The following EPB41L1 variants were observed in gnomAD, a reference collection of about 807,000 sequenced individuals.
EPB41L1 encodes the protein erythrocyte membrane protein band 4.1 like 1.
Under a neutral mutation model 97.8 loss-of-function variants are expected in EPB41L1, and 29 were observed. The ratio of observed to expected loss-of-function variants is 0.30; its 90% CI spans 0.22 to 0.40. The LOEUF (loss-of-function observed/expected upper bound fraction) is 0.40, where lower values mean the gene tolerates loss of function less well. Ranked by LOEUF, EPB41L1 falls within the 10% of genes least tolerant of loss-of-function variation. EPB41L1 has a pLI of 1.00. For synonymous variants in EPB41L1, 383 were observed against 459.2 expected (o/e 0.83, Z 2.12); for missense variants, 812 against 1,162.3 (o/e 0.70, Z 4.38).
At chr20:36,219,973 G>A (rs2063681961) in intron 19 of EPB41L1, 129 bp downstream of exon 19, 7 of 857,438 alleles carry the variant, frequency 8.2e-6, no homozygotes, top group African/African-American at 1.7e-5. Flanking sequence ...CCAGCTTCTG[G>A]AATACTGTGC....
chr20:36,187,232 C>A (rs371498720), intron 7 of EPB41L1, among the ~76,000 whole-genome samples: 1 of 152,190 alleles, frequency 6.6e-6, no homozygotes. Flanking sequence ...GAATGTGCAC[C>A]TGTTCCTTAG....
intron 1 of EPB41L1, among the ~76,000 whole-genome samples, chr20:36,171,847 C>T (rs2061003413): frequency 6.6e-6 from 1 of 152,162 alleles, no homozygotes; most frequent in Non-Finnish European, 1.5e-5. Context: ...CGTGCCATGC[C>T]AGTCTAGCCT....
At position 36,155,914 on chromosome 20, in the gene EPB41L1, C is replaced by G. The variant is rs149785481; in HGVS notation, c.-15+1018C>G. On this transcript the variant is annotated intron_variant, in intron 1 of 21. Transcript: ENST00000338074. ...TTGGCTTCATTCCCACCCCATCCCC[C>G]CACCCTCAGCATTAGGAGCCTTCCA... 8.5e-3 allele frequency among the ~76,000 whole-genome samples: 1,301 copies of G among 152,210 alleles called. 27 individuals are homozygous for G. The highest frequency in any genetic ancestry group is 0.029 in the African/African-American group (1,218 of 41,536).
chr20:36,143,538 A>C (rs2059722817), intron 2 of EPB41L1, among the ~76,000 whole-genome samples: 1 of 152,194 alleles, frequency 6.6e-6, no homozygotes. Flanking sequence ...AATTAGATAC[A>C]AAATACAAAA....
rs564841783 is a variant in EPB41L1 at position 36,129,821 on chromosome 20, T to C, written c.-10+17341T>C. ...TTATGTTGGCCAGGCTGGAGTGCAG[T>C]GGCAACTCACAGGTGCAATCACAGC... On this transcript the variant is annotated intron_variant, in intron 2 of 19. Transcript: ENST00000202028. 7.7e-4 allele frequency among the ~76,000 whole-genome samples: 117 copies of C among 152,250 alleles called. 1 individual carries two copies. The highest frequency in any genetic ancestry group is 2.6e-3 in the African/African-American group (108 of 41,540).
chr20:36,131,303 T>C (rs574550361), intron 2 of EPB41L1, among the ~76,000 whole-genome samples: 2 of 152,120 alleles, frequency 1.3e-5, no homozygotes, highest in South Asian at 4.2e-4. Flanking sequence ...AAAGATGGGG[T>C]TTCACCATGT....
At chr20:36,142,109 CAA>C (rs578232990) in intron 2 of EPB41L1, among the ~76,000 whole-genome samples, 17 of 58,760 alleles carry the variant, frequency 2.9e-4, no homozygotes, top group Admixed American at 3.7e-4. Context: ...AACTCCATCT[CAA>C]AAAAAAAAAA....
intron 11 of EPB41L1, among the ~76,000 whole-genome samples, chr20:36,192,246 A>C (rs775261095): frequency 1.3e-5 from 2 of 151,958 alleles, no homozygotes; most frequent in Non-Finnish European, 2.9e-5. Flanking sequence ...AATAAAAAAT[A>C]AAAAGGCCAG....
Position 36,206,807 on chromosome 20 carries a change from A to G in EPB41L1, c.1669-2681A>G. ...CTGACAGCCAGCGCAGCCCGAGAGG[A>G]AGGGACCCCCGTGAGTGGAGATTTG... On this transcript the variant is annotated intron_variant, in intron 14 of 21. Coordinates refer to ENST00000338074, the MANE Select transcript of EPB41L1 (RefSeq NM_012156.2). This position sits in a 1 kb window ranked among gnomAD's most constrained non-coding sequence, Gnocchi z 5.5. The G allele has an allele frequency of 7.8e-7, 1 of 1,289,818 alleles. No individual in the cohort carries two copies. The highest frequency in any genetic ancestry group is 1.0e-6 in the Non-Finnish European group (1 of 988,874). 79.9% of individuals were successfully genotyped at this position (1,289,818 alleles called of 1,614,324 possible).
At chr20:36,192,087 G>A (rs915781750) in intron 11 of EPB41L1, among the ~76,000 whole-genome samples, 10 of 152,048 alleles carry the variant, frequency 6.6e-5, no homozygotes, top group South Asian at 2.1e-4. Context: ...TTAGCCGGGC[G>A]TGGTGGCATG....
In EPB41L1 at chr20:36,207,677, G is replaced by T; in HGVS notation, c.1669-1811G>T. 1 of 1,290,152 alleles carries T rather than the reference G, an allele frequency of 7.8e-7. No individual in the cohort carries two copies. The highest frequency in any genetic ancestry group is 1.0e-6 in the Non-Finnish European group (1 of 988,940). 79.9% of individuals were successfully genotyped at this position (1,290,152 alleles called of 1,614,324 possible). A position where few individuals can be genotyped will look rare whatever the true frequency, so the allele number is the denominator to read the frequency against. ...ATACCTCTGGCTACCAGACACTTCA[G>T]GGAGGACACTTCTGCATCCTACCAG... On this transcript the variant is annotated intron_variant, in intron 14 of 21. Coordinates refer to ENST00000338074, the MANE Select transcript of EPB41L1 (RefSeq NM_012156.2). This position sits in a 1 kb window ranked among gnomAD's most constrained non-coding sequence, Gnocchi z 4.9.
At chr20:36,179,082 G>GA (rs796316378) in intron 5 of EPB41L1, among the ~76,000 whole-genome samples, 1,394 of 79,570 alleles carry the variant, frequency 0.018, 16 homozygotes, top group African/African-American at 0.049. Context: ...CTCGAAAAAA[G>GA]AAAAAAAAAA....
intron 2 of EPB41L1, among the ~76,000 whole-genome samples, chr20:36,125,250 A>T (rs992183500): frequency 6.6e-6 from 1 of 152,154 alleles, no homozygotes. Context: ...AGTTAGGAGC[A>T]TCCTGTGTTT....
Position 36,092,798 on chromosome 20 carries a change from G to GCGC in EPB41L1, c.-65+1197_-65+1199dup, listed in dbSNP as rs1360663637. On this transcript the variant is annotated intron_variant, in intron 1 of 19. Coordinates refer to the EPB41L1 transcript ENST00000202028. The surrounding 1 kb of genome is among the most constrained non-coding windows in gnomAD (Gnocchi z 7.0). ...GCGAGCCAGACAGCTCCCGGAAGCC[G>GCGC]CGCCGCCGCCGCCAGGTTAGCCGCA... 2.6e-5 allele frequency: 4 copies of GCGC among 152,856 alleles called. No individual in the cohort carries two copies. Among genetic ancestry groups the GCGC allele is most frequent in the South Asian group, 1.9e-4 (1 of 5,316 alleles). The allele number at this position is 152,856 out of a possible 1,614,324, so 9.5% of individuals were successfully genotyped here.
chr20:36,175,913 A>G (rs1186274805), intron 3 of EPB41L1, among the ~76,000 whole-genome samples, 198 bp downstream of exon 3: 1 of 152,136 alleles, frequency 6.6e-6, no homozygotes, highest in East Asian at 1.9e-4. Context: ...TATGATTGCA[A>G]ATAGAATTAG....
intron 2 of EPB41L1, among the ~76,000 whole-genome samples, chr20:36,135,053 AG>A (rs1569097121): frequency 6.6e-6 from 1 of 151,714 alleles, no homozygotes; most frequent in African/African-American, 2.4e-5. Flanking sequence ...TAGTAGAGAC[AG>A]GGTTTTGCAT....
chr20:36,106,314 T>A (rs2058190158), intron 1 of EPB41L1, among the ~76,000 whole-genome samples: 1 of 152,204 alleles, frequency 6.6e-6, no homozygotes, highest in Non-Finnish European at 1.5e-5. Flanking sequence ...ACTGGGAGAT[T>A]TGGGCACCCT....
chr20:36,205,385 G>A (rs903167104), intron 14 of EPB41L1, among the ~76,000 whole-genome samples: 2 of 152,112 alleles, frequency 1.3e-5, no homozygotes, highest in African/African-American at 2.4e-5. Context: ...CTCTAGACCT[G>A]TTTCCTCATT....
chr20:36,128,709 C>T (rs537932634), intron 2 of EPB41L1, among the ~76,000 whole-genome samples: 1 of 152,306 alleles, frequency 6.6e-6, no homozygotes, highest in African/African-American at 2.4e-5. Flanking sequence ...AGTGACTCAG[C>T]CCTGCTTCTT....
Sources: allele counts gnomAD v4.1 joint callset (sites outside exome capture counted in the v4.1 genomes callset), GRCh38; gene constraint gnomAD v4.1.1; non-coding constraint Gnocchi (gnomAD v3.1); transcripts MANE v1.5; gene names NCBI Gene and HGNC (gene_info 2026-07-23, HGNC 2026-07-21).